RFX3: variants seen among roughly 807,000 people sequenced by gnomAD.
RFX3 encodes the protein transcription factor RFX3.
In RFX3, 14 loss-of-function variants were observed where a neutral mutation model predicts 98.6. That is an observed-to-expected ratio of 0.14 (90% CI 0.09 to 0.22). The LOEUF is 0.22. Among genes scored for constraint, RFX3 ranks in the 10% least tolerant of loss-of-function variants. The probability of loss-of-function intolerance (pLI) is 1.00; values close to 1 mark genes in which losing one functional copy is unlikely to be tolerated. For synonymous variants in RFX3, 383 were observed against 328.4 expected (o/e 1.17, Z -1.80); for missense variants, 639 against 926.9 (o/e 0.69, Z 4.03).
rs546483385 is a variant in RFX3 at position 3,524,081 on chromosome 9, T to C, written c.-9+1666A>G. Among the ~76,000 whole-genome samples, 7 of 152,328 alleles carry C rather than the reference T, an allele frequency of 4.6e-5. No homozygotes were observed. The South Asian group carries it at 1.4e-3, about 32-fold the overall frequency. On this transcript the variant is annotated intron_variant, in intron 1 of 16. Transcript: ENST00000617270. The stretch of plus-strand genomic sequence containing the variant: ...AGTTAAATCAATATATGTTTGCTGT[T>C]AGAAAGAAGACTATTTGAATAAGCA...
At chr9:3,229,764 C>A (rs912249291) in intron 15 of RFX3, among the ~76,000 whole-genome samples, 7 of 152,066 alleles carry the variant, frequency 4.6e-5, no homozygotes, top group African/African-American at 1.7e-4. Flanking sequence ...TCTCAACAGG[C>A]TTAGAAAGGA....
intron 7 of RFX3, among the ~76,000 whole-genome samples, chr9:3,284,214 T>C (rs532346627): frequency 2.0e-5 from 3 of 151,842 alleles, no homozygotes; most frequent in South Asian, 4.1e-4. Context: ...CTACTGGAAT[T>C]TGGAAAAATA....
At chr9:3,523,991 C>A (rs958727345) in intron 1 of RFX3, among the ~76,000 whole-genome samples, 3 of 152,156 alleles carry the variant, frequency 2.0e-5, no homozygotes, top group African/African-American at 7.2e-5. Flanking sequence ...TATAATTACC[C>A]ACCCTGCTCG....
intron 1 of RFX3, chr9:3,490,134 T>A (rs1850622929): frequency 6.2e-6 from 1 of 160,122 alleles, no homozygotes; most frequent in African/African-American, 2.4e-5. Flanking sequence ...TTGCCAACCA[T>A]CAAGAAAGGA....
intron 5 of RFX3, among the ~76,000 whole-genome samples, chr9:3,299,980 G>A (rs917698809): frequency 1.3e-5 from 2 of 150,716 alleles, no homozygotes; most frequent in African/African-American, 4.9e-5. Context: ...AAGTCTGAAA[G>A]CTGAAACAGG....
chr9:3,399,767 T>G (rs1005678978), intron 1 of RFX3, among the ~76,000 whole-genome samples: 1 of 151,642 alleles, frequency 6.6e-6, no homozygotes, highest in African/African-American at 2.4e-5. Flanking sequence ...CTGAACAACA[T>G]GGTGAAACCC....
At chr9:3,483,195 C>G (rs969970078) in intron 1 of RFX3, among the ~76,000 whole-genome samples, 1 of 152,064 alleles carries the variant, frequency 6.6e-6, no homozygotes, top group African/African-American at 2.4e-5. Context: ...CTACCCGACC[C>G]CCAAACAGAA....
rs1214805282 is a variant in RFX3 at position 3,246,523 on chromosome 9, T to A, written c.1968+1509A>T. Among the ~76,000 whole-genome samples, 5 of 152,296 alleles carry A rather than the reference T, an allele frequency of 3.3e-5. No homozygotes were observed. In the East Asian group the frequency reaches 9.6e-4, roughly 29 times the overall value. ...ATCCCCGCCATCATTATCCTATTTA[T>A]CTTGTTAAAGAAGTCCTTGAGCATA... On this transcript the variant is annotated intron_variant, in intron 15 of 16. Transcript: ENST00000617270.
chr9:3,221,423 A>G lies in RFX3; in HGVS notation c.*3619T>C, dbSNP rs1817334548. ...GTCTACTACAAATCAAAGGCAGTCAATGCTGCACACTACTAATTTTAGGTA... is the reference window on the plus strand; with the variant it reads ...GTCTACTACAAATCAAAGGCAGTCAGTGCTGCACACTACTAATTTTAGGTA... On this transcript the variant is annotated 3_prime_UTR_variant, in exon 17 of 17. Transcript: ENST00000617270. 6.6e-6 allele frequency: 1 copy of G among 152,200 alleles called. No individual in the cohort carries two copies. Among genetic ancestry groups the G allele is most frequent in the South Asian group, 2.1e-4 (1 of 4,836 alleles). 9.4% of individuals were successfully genotyped at this position (152,200 alleles called of 1,614,324 possible). A position where few individuals can be genotyped will look rare whatever the true frequency, so the allele number is the denominator to read the frequency against.
chr9:3,468,611 C>T (rs924145935), intron 1 of RFX3, among the ~76,000 whole-genome samples: 31 of 152,042 alleles, frequency 2.0e-4, no homozygotes, highest in Non-Finnish European at 4.1e-4. Context: ...ATTTAAGGAA[C>T]TGCAGGAGTT....
Position 3,315,791 on chromosome 9 carries a change from C to T in RFX3, c.475-14171G>A, listed in dbSNP as rs146150505. Among the ~76,000 whole-genome samples the T allele has an allele frequency of 1.4e-3, 206 of 152,274 alleles. 1 individual carries two copies. The highest frequency in any genetic ancestry group is 4.6e-3 in the African/African-American group (192 of 41,548). On this transcript the variant is annotated intron_variant, in intron 4 of 16. Transcript: ENST00000617270. ...AAAATCTAGAAGAAATGGATAAATT[C>T]CTGGACACATACACCCTCCCAAGAC... is the stretch of plus-strand genomic sequence containing the variant.
intron 9 of RFX3, among the ~76,000 whole-genome samples, chr9:3,273,107 TAA>T (rs1824717247): frequency 6.6e-6 from 1 of 152,160 alleles, no homozygotes. Context: ...ATGTTCAGAC[TAA>T]AATATATAGG....
At chr9:3,500,639 G>C (rs1815896979) in intron 1 of RFX3, among the ~76,000 whole-genome samples, 2 of 151,938 alleles carry the variant, frequency 1.3e-5, no homozygotes, top group East Asian at 3.9e-4. Context: ...GATTCCATAG[G>C]GCCTAATGTA....
At position 3,302,138 on chromosome 9, in the gene RFX3, C is replaced by G. The variant is rs376387258; in HGVS notation, c.475-518G>C. The stretch of plus-strand genomic sequence containing the variant: ...TAAATCCATACATCCCTCCATTAAT[C>G]CTGTATTAAAATATGGAAGTAGGGG... On this transcript the variant is annotated intron_variant, in intron 4 of 16. Transcript: ENST00000617270. 2.0e-5 allele frequency among the ~76,000 whole-genome samples: 3 copies of G among 151,866 alleles called. No individual in the cohort carries two copies. In the South Asian group the frequency reaches 6.2e-4, roughly 32 times the overall value.
rs1820918659 is a variant in RFX3 at position 3,248,041 on chromosome 9, G to T, written c.1959C>A (p.Val653=). 1.2e-6 allele frequency: 2 copies of T among 1,613,966 alleles called. No individual in the cohort carries two copies. Among genetic ancestry groups the T allele is most frequent in the Non-Finnish European group, 8.5e-7 (1 of 1,179,940 alleles). Reference sequence around the variant, plus strand: ...TTTCAGCCTCTCTTACCTCGCCCATGACTGCTATAGGAGTCTCTCCTGTTG... The same window carrying T: ...TTTCAGCCTCTCTTACCTCGCCCATTACTGCTATAGGAGTCTCTCCTGTTG... ...AQATGETPIA[V]MGEFGDLNAV... The change falls in exon 15 of 17, where the codon GTC becomes GTA. Residue 653 remains valine (V), a synonymous_variant. Transcript: ENST00000617270.
intron 15 of RFX3, among the ~76,000 whole-genome samples, chr9:3,236,754 A>G (rs564131098): frequency 1.3e-5 from 2 of 152,364 alleles, no homozygotes; most frequent in Admixed American, 6.5e-5. Flanking sequence ...GATAGTCCAC[A>G]TATGTGAAAA....
intron 9 of RFX3, among the ~76,000 whole-genome samples, chr9:3,272,035 T>A (rs1824560041): frequency 6.6e-6 from 1 of 152,120 alleles, no homozygotes; most frequent in Non-Finnish European, 1.5e-5. Context: ...ATCTAAGACT[T>A]TTTTTTATGG....
intron 15 of RFX3, among the ~76,000 whole-genome samples, chr9:3,246,007 GAT>G (rs897932147): frequency 2.0e-5 from 3 of 152,108 alleles, no homozygotes; most frequent in African/African-American, 7.2e-5. Context: ...AGAAATTTTA[GAT>G]ATGATAGTAT....
At chr9:3,486,291 C>A (rs1275075355) in intron 1 of RFX3, among the ~76,000 whole-genome samples, 2 of 151,986 alleles carry the variant, frequency 1.3e-5, no homozygotes, top group Non-Finnish European at 2.9e-5. Context: ...TTTTTTATGA[C>A]AAATAAAAAT....
Sources: allele counts gnomAD v4.1 joint callset (sites outside exome capture counted in the v4.1 genomes callset), GRCh38; gene constraint gnomAD v4.1.1; transcripts MANE v1.5; gene names NCBI Gene and HGNC (gene_info 2026-07-23, HGNC 2026-07-21).